Variants in PDCD11 observed in about 807,000 individuals in gnomAD.
PDCD11 encodes protein RRP5 homolog.
PDCD11 carries 97 observed loss-of-function variants against 198.9 expected under a neutral mutation model. The observed-to-expected ratio is 0.49, with a 90% CI of 0.41 to 0.58. The LOEUF (loss-of-function observed/expected upper bound fraction) is 0.58. Ranked by LOEUF, PDCD11 falls within the 20% of genes least tolerant of loss-of-function variation. The pLI is 0.00. For synonymous variants in PDCD11, 893 were observed against 918.0 expected, an observed-to-expected ratio of 0.97 and a Z score of 0.49; for missense variants, 2,102 against 2,312.7, an observed-to-expected ratio of 0.91 and a Z score of 1.87.
Position 103,444,607 on chromosome 10 carries a change from C to T in PDCD11, c.5369C>T (p.Thr1790Ile). 1 of 1,614,178 alleles carries T rather than the reference C, an allele frequency of 6.2e-7. No homozygotes were observed. The highest frequency in any genetic ancestry group is 8.5e-7 in the Non-Finnish European group (1 of 1,180,032). Residue 1790 changes from threonine (T) to isoleucine (I), a missense_variant, in exon 35 of 36, where the codon ACC (threonine) becomes ATC (isoleucine). Coordinates refer to ENST00000369797, the MANE Select transcript of PDCD11 (RefSeq NM_014976.2). Reference sequence around the variant, plus strand: ...GCCATTTTTGAGAACACGCTGAGCACCTACCCAAAGCGCACAGATGTCTGG... The same window carrying T: ...GCCATTTTTGAGAACACGCTGAGCATCTACCCAAAGCGCACAGATGTCTGG... ...AKAIFENTLS[T>I]YPKRTDVWSV...
chr10:103,428,599 A>G (rs1166278585), intron 21 of PDCD11, among the ~76,000 whole-genome samples: 1 of 152,224 alleles, frequency 6.6e-6, no homozygotes, highest in Non-Finnish European at 1.5e-5. Flanking sequence ...ACCCTTAATT[A>G]GGGTTGAGGT....
At chr10:103,428,504 T>A (rs2133727705) in intron 21 of PDCD11, among the ~76,000 whole-genome samples, 1 of 152,294 alleles carries the variant, frequency 6.6e-6, no homozygotes, top group South Asian at 2.1e-4. Flanking sequence ...CAGTCTTTGT[T>A]GGAAAAATGA....
At chr10:103,435,436 TG>T (rs1379545906) in intron 25 of PDCD11, among the ~76,000 whole-genome samples, 1 of 152,178 alleles carries the variant, frequency 6.6e-6, no homozygotes, top group African/African-American at 2.4e-5. Context: ...TTGGGTTTTT[TG>T]TTTTTTTTTA....
chr10:103,417,970 A>G (rs141986159), intron 14 of PDCD11, 38 bp downstream of exon 14: 13 of 1,609,276 alleles, frequency 8.1e-6, no homozygotes, highest in Middle Eastern at 1.7e-4. Context: ...TTTATGTTAC[A>G]GTGGCAGAGA....
intron 10 of PDCD11, 38 bp from the exon 11 acceptor site, chr10:103,414,232 C>T: frequency 6.3e-7 from 1 of 1,599,728 alleles, no homozygotes; most frequent in African/African-American, 1.3e-5. Context: ...CAACCTCTGC[C>T]CTAGTTTATT....
chr10:103,440,220 A>T, intron 28 of PDCD11, 70 bp from the exon 29 acceptor site: 1 of 1,534,546 alleles, frequency 6.5e-7, no homozygotes, highest in South Asian at 1.3e-5. Context: ...AGGAGGAAAA[A>T]GGCCTGGGCC....
intron 8 of PDCD11, among the ~76,000 whole-genome samples, chr10:103,411,564 G>C (rs1028281376): frequency 6.6e-6 from 1 of 151,890 alleles, no homozygotes; most frequent in Admixed American, 6.6e-5. Flanking sequence ...ATGGGGTCTC[G>C]CTGTGTTGCT....
At position 103,405,277 on chromosome 10, in the gene PDCD11, A is replaced by G. The variant is rs190986223; in HGVS notation, c.564+94A>G. The G allele has an allele frequency of 7.8e-5, 95 of 1,216,844 alleles. No individual in the cohort carries two copies. In the East Asian group the frequency reaches 2.0e-3, roughly 25 times the overall value. 75.4% of individuals were successfully genotyped at this position (1,216,844 alleles called of 1,614,324 possible). ...TAGGCCACCTTTTACTTTCAGCTCA[A>G]TTGTGACACATAGGAGTGGTTCTTT... On this transcript the variant is annotated intron_variant, in intron 5 of 35. Transcript: ENST00000369797.
chr10:103,415,702 T>C (rs914004331), intron 12 of PDCD11, among the ~76,000 whole-genome samples: 1 of 152,200 alleles, frequency 6.6e-6, no homozygotes, highest in African/African-American at 2.4e-5. Flanking sequence ...CAATAATGTT[T>C]TCTAGATTTC....
At chr10:103,441,164 G>A (rs954782167) in intron 30 of PDCD11, among the ~76,000 whole-genome samples, 1 of 152,224 alleles carries the variant, frequency 6.6e-6, no homozygotes, top group African/African-American at 2.4e-5. Context: ...TGGGCTGAGA[G>A]GACCGGGTAT....
At position 103,440,582 on chromosome 10, in the gene PDCD11, G is replaced by A. The variant is rs1221044704; in HGVS notation, c.4440+1G>A. 3 of 1,610,452 alleles carry A rather than the reference G, an allele frequency of 1.9e-6. No individual in the cohort carries two copies. The highest frequency in any genetic ancestry group is 2.2e-5 in the East Asian group (1 of 44,880). On this transcript the variant is annotated splice_donor_variant, in intron 29 of 35. Transcript: ENST00000369797. LOFTEE classifies it high-confidence loss of function. ...GTGCCGGGAGTCTGGGAGTGAGCAG[G>A]TGAGGTCCTGCGGAGGGCTGTGGCT...
chr10:103,445,205 T>TC (rs1199695526), intron 35 of PDCD11, among the ~76,000 whole-genome samples, 173 bp from the exon 36 acceptor site: 1 of 152,110 alleles, frequency 6.6e-6, no homozygotes, highest in Non-Finnish European at 1.5e-5. Flanking sequence ...GTAGTGCCTC[T>TC]CCCCAAGGCA....
At chr10:103,416,202 G>C (rs2031099766) in intron 12 of PDCD11, among the ~76,000 whole-genome samples, 1 of 152,212 alleles carries the variant, frequency 6.6e-6, no homozygotes, top group Admixed American at 6.5e-5. Context: ...GTAGAAGTTA[G>C]TGTAACCAAG....
At position 103,442,478 on chromosome 10, in the gene PDCD11, G is replaced by T. The variant is rs2032429747; in HGVS notation, c.4955+18G>T. On this transcript the variant is annotated intron_variant, in intron 32 of 35. Coordinates refer to ENST00000369797, the MANE Select transcript of PDCD11 (RefSeq NM_014976.2). ...TCCTTCAGGTCTCAGCTTTGCCCCA[G>T]GGAGCACAGTGTCTTCGCACGTTCT... The T allele has an allele frequency of 1.2e-6, 2 of 1,609,308 alleles. No individual in the cohort carries two copies. Among genetic ancestry groups the T allele is most frequent in the African/African-American group, 1.3e-5 (1 of 74,978 alleles).
Position 103,437,917 on chromosome 10 carries a change from C to T in PDCD11, c.3846-98C>T. The T allele has an allele frequency of 3.3e-6, 3 of 920,986 alleles. No homozygotes were observed. In the South Asian group the frequency reaches 4.1e-5, roughly 13 times the overall value. 57.1% of individuals were successfully genotyped at this position (920,986 alleles called of 1,614,324 possible). A position where few individuals can be genotyped will look rare whatever the true frequency, so the allele number is the denominator to read the frequency against. On this transcript the variant is annotated intron_variant, in intron 25 of 35. Coordinates refer to ENST00000369797, the MANE Select transcript of PDCD11 (RefSeq NM_014976.2). Reference sequence around the variant, plus strand: ...GACCAGAGTCTCCTGTCTCCTCACTCCTGCCTATTCGTCAGCCTGGAGGAG... The same window carrying T: ...GACCAGAGTCTCCTGTCTCCTCACTTCTGCCTATTCGTCAGCCTGGAGGAG...
Position 103,441,966 on chromosome 10 carries a change from C to T in PDCD11, c.4698C>T (p.His1566=), listed in dbSNP as rs1019632126. The change falls in exon 31 of 36, where the codon CAC becomes CAT. Residue 1566 remains histidine, a synonymous_variant. Transcript: ENST00000369797. ...ACAGCGAGGAGGATGAGAAGCCACA[C>T]CAAGCCACGGTGCTGTATTTTGCAG... is the stretch of plus-strand genomic sequence containing the variant. ...SSDSEEDEKP[H]QATIKKSKKE... 9 of 1,614,204 alleles carry T rather than the reference C, an allele frequency of 5.6e-6. No individual in the cohort carries two copies. In the Middle Eastern group the frequency reaches 6.6e-4, roughly 118 times the overall value.
At chr10:103,411,450 C>T (rs1175979947) in intron 8 of PDCD11, among the ~76,000 whole-genome samples, 1 of 152,188 alleles carries the variant, frequency 6.6e-6, no homozygotes, top group Middle Eastern at 3.2e-3. Flanking sequence ...ATTGCAACCT[C>T]AACCTCCTGG....
Position 103,439,827 on chromosome 10 carries a change from A to G in PDCD11, c.4107A>G (p.Lys1369=). 1 of 1,614,062 alleles carries G rather than the reference A, an allele frequency of 6.2e-7. No homozygotes were observed. The change falls in exon 28 of 36, where the codon AAA becomes AAG. Residue 1369 remains lysine (K), a synonymous_variant. Coordinates refer to ENST00000369797, the MANE Select transcript of PDCD11 (RefSeq NM_014976.2). ...HSPSKKALYN[K]HLPEGKLLTA... The stretch of plus-strand genomic sequence containing the variant: ...CGTCCAAGAAAGCCCTTTATAACAA[A>G]CACCTCCCTGAAGGGAAGCTGCTCA...
At chr10:103,436,246 G>A (rs902373483) in intron 25 of PDCD11, among the ~76,000 whole-genome samples, 10 of 152,160 alleles carry the variant, frequency 6.6e-5, no homozygotes, top group Admixed American at 5.9e-4. Flanking sequence ...GATTACAGGC[G>A]TTGTGTCACC....
Sources: allele counts gnomAD v4.1 joint callset (sites outside exome capture counted in the v4.1 genomes callset), GRCh38; gene constraint gnomAD v4.1.1; transcripts MANE v1.5; gene names NCBI Gene and HGNC (gene_info 2026-07-23, HGNC 2026-07-21).